TTC23: variants seen among roughly 807,000 people sequenced by gnomAD.
TTC23 encodes tetratricopeptide repeat domain 23.
Under a neutral mutation model 55.1 loss-of-function variants are expected in TTC23, and 58 were observed. The ratio of observed to expected loss-of-function variants is 1.05; its 90% CI spans 0.85 to 1.31. TTC23 has a LOEUF of 1.31. TTC23 is among the 50% of genes most tolerant of loss of function. The probability of loss-of-function intolerance (pLI) is 0.00; values close to 1 mark genes in which losing one functional copy is unlikely to be tolerated. For missense variants in TTC23, 516 were observed against 534.4 expected (o/e 0.97, Z 0.34); for synonymous variants, 203 against 199.9 (o/e 1.02, Z -0.13).
chr15:99,244,341 A>G (rs749593583), intron 2 of TTC23, among the ~76,000 whole-genome samples: 1 of 152,214 alleles, frequency 6.6e-6, no homozygotes, highest in Non-Finnish European at 1.5e-5. Context: ...GGAGAAATAA[A>G]ACATTATTAT....
chr15:99,139,248 C>G (rs1555488750), intron 13 of TTC23, 69 bp downstream of exon 13: 2 of 1,574,756 alleles, frequency 1.3e-6, no homozygotes, highest in South Asian at 2.3e-5. Context: ...CCTTCTAGAA[C>G]CAGCTTTCTC....
chr15:99,171,182 G>T (rs2151920694), intron 10 of TTC23, among the ~76,000 whole-genome samples: 1 of 152,276 alleles, frequency 6.6e-6, no homozygotes, highest in Non-Finnish European at 1.5e-5. Flanking sequence ...TCACCTTTAA[G>T]GCCTCAGTAA....
intron 9 of TTC23, among the ~76,000 whole-genome samples, chr15:99,175,708 T>C (rs866018091): frequency 3.3e-5 from 5 of 152,350 alleles, no homozygotes; most frequent in Admixed American, 6.5e-5. Context: ...CACTAAAATG[T>C]TGTTGCCCAG....
At chr15:99,139,070 G>T (rs1345980958) in intron 13 of TTC23, 6 of 552,584 alleles carry the variant, frequency 1.1e-5, no homozygotes, top group Admixed American at 9.9e-5. Context: ...GCCTGCAGGG[G>T]CTGGTCTGCA....
chr15:99,234,607 C>T (rs1486551146), intron 4 of TTC23, among the ~76,000 whole-genome samples: 3 of 152,026 alleles, frequency 2.0e-5, no homozygotes, highest in East Asian at 1.9e-4. Context: ...CTCCTGACCT[C>T]GTGATCTGCC....
chr15:99,150,468 T>G (rs2069560210), intron 12 of TTC23, among the ~76,000 whole-genome samples: 1 of 152,218 alleles, frequency 6.6e-6, no homozygotes, highest in African/African-American at 2.4e-5. Context: ...AGAGACAAAG[T>G]TGAGGCTACT....
At chr15:99,169,862 G>C (rs912973671) in intron 10 of TTC23, among the ~76,000 whole-genome samples, 1 of 152,172 alleles carries the variant, frequency 6.6e-6, no homozygotes, top group African/African-American at 2.4e-5. Context: ...TAACCAGACA[G>C]AGCCCATTCC....
intron 10 of TTC23, among the ~76,000 whole-genome samples, chr15:99,168,248 T>C (rs1045958977): frequency 1.3e-5 from 2 of 152,108 alleles, no homozygotes; most frequent in African/African-American, 4.8e-5. Flanking sequence ...ATCCATAAAG[T>C]GAAGTGATCC....
intron 9 of TTC23, among the ~76,000 whole-genome samples, chr15:99,194,726 G>A (rs935240269): frequency 6.6e-5 from 10 of 152,176 alleles, no homozygotes; most frequent in East Asian, 1.9e-4. Context: ...ACCTGAGGTC[G>A]GGAGGTCAAG....
chr15:99,155,082 T>C (rs2070353494), intron 12 of TTC23, among the ~76,000 whole-genome samples: 1 of 152,118 alleles, frequency 6.6e-6, no homozygotes. Flanking sequence ...TTGAATTAAC[T>C]CAAGCAATGA....
intron 8 of TTC23, among the ~76,000 whole-genome samples, chr15:99,209,095 T>C (rs1427747034): frequency 1.3e-5 from 2 of 152,240 alleles, no homozygotes; most frequent in Non-Finnish European, 2.9e-5. Flanking sequence ...GCAGTAATTC[T>C]ACAGAGCACA....
At chr15:99,212,259 GAT>G (rs964470893) in intron 8 of TTC23, among the ~76,000 whole-genome samples, 6 of 122,058 alleles carry the variant, frequency 4.9e-5, no homozygotes, top group Non-Finnish European at 8.9e-5. Flanking sequence ...TTTAAAGAGG[GAT>G]GTGTGTGTGT....
At chr15:99,190,280 GT>G (rs71149450) in intron 9 of TTC23, among the ~76,000 whole-genome samples, 23 of 135,902 alleles carry the variant, frequency 1.7e-4, no homozygotes, top group Non-Finnish European at 1.3e-4. Context: ...GTTTGTTTTT[GT>G]TTTTTTTTTT....
At chr15:99,194,640 G>A (rs1302972143) in intron 9 of TTC23, among the ~76,000 whole-genome samples, 1 of 148,542 alleles carries the variant, frequency 6.7e-6, no homozygotes, top group African/African-American at 2.5e-5. Context: ...AGACCTAAAT[G>A]TAAAATAAAA....
intron 5 of TTC23, among the ~76,000 whole-genome samples, chr15:99,222,479 T>C (rs2078028252): frequency 6.6e-6 from 1 of 152,210 alleles, no homozygotes; most frequent in African/African-American, 2.4e-5. Context: ...GATTTTGCCA[T>C]GTTGCCCAGG....
intron 9 of TTC23, among the ~76,000 whole-genome samples, chr15:99,197,981 C>G (rs778187526): frequency 1.1e-4 from 16 of 152,114 alleles, no homozygotes; most frequent in Non-Finnish European, 1.5e-4. Flanking sequence ...TCTTGTTTTC[C>G]TGGCAGTCTT....
chr15:99,216,207 A>G (rs2077464690), intron 8 of TTC23, among the ~76,000 whole-genome samples: 1 of 152,258 alleles, frequency 6.6e-6, no homozygotes, highest in Admixed American at 6.5e-5. Flanking sequence ...TGGACTAAAG[A>G]GTAATTTATA....
At chr15:99,175,557 G>T (rs2073453841) in intron 9 of TTC23, among the ~76,000 whole-genome samples, 1 of 152,228 alleles carries the variant, frequency 6.6e-6, no homozygotes, top group South Asian at 2.1e-4. Context: ...CCTACCGGTG[G>T]GTGTCAGCAG....
intron 2 of TTC23, among the ~76,000 whole-genome samples, chr15:99,243,929 C>T (rs1375453858): frequency 6.6e-6 from 1 of 152,012 alleles, no homozygotes; most frequent in Non-Finnish European, 1.5e-5. Flanking sequence ...AGGGTGACTA[C>T]AGTCAACAAT....
Sources: gnomAD v4.1 joint callset for allele counts (sites outside exome capture counted in the v4.1 genomes callset) on GRCh38, gnomAD v4.1.1 for gene constraint, MANE v1.5 for transcripts, NCBI Gene and HGNC (gene_info 2026-07-23, HGNC 2026-07-21) for gene names.